Variants in PLEKHA6 observed in about 807,000 individuals in gnomAD.
PLEKHA6 encodes the protein pleckstrin homology domain-containing family A member 6.
In PLEKHA6, 60 loss-of-function variants were observed where a neutral mutation model predicts 116.7. That is an observed-to-expected ratio of 0.51 (90% CI 0.42 to 0.64). The LOEUF is 0.64. Among genes scored for constraint, PLEKHA6 ranks in the 30% least tolerant of loss-of-function variants. The probability of loss-of-function intolerance (pLI) is 0.00; values close to 1 mark genes in which losing one functional copy is unlikely to be tolerated. For synonymous variants in PLEKHA6, 489 were observed against 556.1 expected (o/e 0.88, Z 1.70); for missense variants, 1,338 against 1,422.7 (o/e 0.94, Z 0.96).
In PLEKHA6 at chr1:204,257,747, A is replaced by G. The variant is rs778563323; in HGVS notation, c.1130T>C (p.Met377Thr). 1.9e-6 allele frequency: 3 copies of G among 1,613,704 alleles called. No individual in the cohort carries two copies. Among genetic ancestry groups the G allele is most frequent in the East Asian group, 4.5e-5 (2 of 44,878 alleles). ...CGGGCTGATCCGATCATAGGCCGGCATGGAACAGATGCTCTCCGGCCGCAC... is the reference window on the plus strand; with the variant it reads ...CGGGCTGATCCGATCATAGGCCGGCGTGGAACAGATGCTCTCCGGCCGCAC... ...PGVRPESICSMPAYDRISPPW... is the reference protein window; with the variant it reads ...PGVRPESICSTPAYDRISPPW... Residue 377 changes from methionine (M) to threonine (T), a missense_variant, in exon 9 of 23, where the codon ATG becomes ACG. Around this residue, in one of 3 missense-constraint regions of PLEKHA6, gnomAD observed 1,136 missense variants for 1,163.6 expected, o/e 0.98. Coordinates refer to ENST00000272203, the MANE Select transcript of PLEKHA6 (RefSeq NM_014935.5). This position sits in a 1 kb window ranked among gnomAD's most constrained non-coding sequence, Gnocchi z 6.5.
intron 5 of PLEKHA6, among the ~76,000 whole-genome samples, chr1:204,265,962 G>C (rs1250343661): frequency 6.6e-6 from 1 of 152,174 alleles, no homozygotes; most frequent in Non-Finnish European, 1.5e-5. Flanking sequence ...GGGACAGTGG[G>C]GGGGACAATT....
At chr1:204,313,204 C>T (rs1028985212) in intron 1 of PLEKHA6, among the ~76,000 whole-genome samples, 1 of 151,956 alleles carries the variant, frequency 6.6e-6, no homozygotes, top group African/African-American at 2.4e-5. Flanking sequence ...CAAGTGGGAC[C>T]AACTGTGCCC....
intron 1 of PLEKHA6, among the ~76,000 whole-genome samples, chr1:204,377,129 C>T (rs192327301): frequency 2.6e-5 from 4 of 152,210 alleles, no homozygotes; most frequent in Middle Eastern, 3.4e-3. Flanking sequence ...GAGTCTGGGG[C>T]GAGGGTTGCC....
At chr1:204,253,268 C>T (rs1029839284) in intron 9 of PLEKHA6, among the ~76,000 whole-genome samples, 1 of 152,112 alleles carries the variant, frequency 6.6e-6, no homozygotes, top group African/African-American at 2.4e-5. Context: ...TCTACAATGC[C>T]CATTTTATGA....
rs185118069 is a variant in PLEKHA6, at chr1:204,220,216, C to G, written c.*2572G>C. On this transcript the variant is annotated 3_prime_UTR_variant, in exon 23 of 23. Coordinates refer to ENST00000272203, the MANE Select transcript of PLEKHA6 (RefSeq NM_014935.5). The stretch of plus-strand genomic sequence containing the variant: ...GAAGAGGGGTAGTCTAGCAGCCCAT[C>G]TGGGGTGCATGCCTGCATGGGTCTC... The G allele has an allele frequency of 3.3e-5, 5 of 152,426 alleles. No homozygotes were observed. Among genetic ancestry groups the G allele is most frequent in the Admixed American group, 2.0e-4 (3 of 15,308 alleles). The allele number at this position is 152,426 out of a possible 1,614,324, so 9.4% of individuals were successfully genotyped here.
At chr1:204,284,204 C>T (rs1668932335) in intron 1 of PLEKHA6, among the ~76,000 whole-genome samples, 1 of 152,160 alleles carries the variant, frequency 6.6e-6, no homozygotes, top group South Asian at 2.1e-4. Flanking sequence ...AAGCAGTAAA[C>T]CAGCCAGAGC....
intron 1 of PLEKHA6, among the ~76,000 whole-genome samples, chr1:204,355,441 G>C (rs900670886): frequency 6.6e-6 from 1 of 152,082 alleles, no homozygotes; most frequent in Non-Finnish European, 1.5e-5. Flanking sequence ...CGTTTTGTTT[G>C]TTTGTTTGTT....
chr1:204,245,847 TAC>T (rs58927549), intron 13 of PLEKHA6, 121 bp from the exon 14 acceptor site: 23,482 of 546,078 alleles, frequency 0.043, 177 homozygotes, highest in African/African-American at 0.091. Context: ...GCACCCTGTG[TAC>T]ACACACACAC....
chr1:204,328,401 T>G (rs1362427485), intron 1 of PLEKHA6, among the ~76,000 whole-genome samples: 1 of 141,186 alleles, frequency 7.1e-6, no homozygotes, highest in African/African-American at 2.6e-5. Flanking sequence ...TTTTCTTTCT[T>G]TTTTTTTTTT....
At chr1:204,279,581 T>C (rs1668385468) in intron 1 of PLEKHA6, among the ~76,000 whole-genome samples, 1 of 152,222 alleles carries the variant, frequency 6.6e-6, no homozygotes, top group African/African-American at 2.4e-5. Flanking sequence ...CAAATGGACC[T>C]TTCAAATTCC....
chr1:204,277,447 G>C lies in PLEKHA6; in HGVS notation c.-94-2638C>G, dbSNP rs1285126005. ...AGTCCGACCTCAGTGAGCTAAGGAC[G>C]CAGAGTAGCTGGACGGGTGAAGGAG... On this transcript the variant is annotated intron_variant, in intron 1 of 22. Coordinates refer to ENST00000272203, the MANE Select transcript of PLEKHA6 (RefSeq NM_014935.5). This position sits in a 1 kb window ranked among gnomAD's most constrained non-coding sequence, Gnocchi z 4.1. 6.6e-6 allele frequency among the ~76,000 whole-genome samples: 1 copy of C among 152,184 alleles called. No homozygotes were observed. The highest frequency in any genetic ancestry group is 2.4e-5 in the African/African-American group (1 of 41,450).
chr1:204,335,713 C>G (rs999002726), intron 1 of PLEKHA6, among the ~76,000 whole-genome samples: 1 of 152,022 alleles, frequency 6.6e-6, no homozygotes, highest in Non-Finnish European at 1.5e-5. Context: ...CATTCCCTCC[C>G]CTTTTCTGTC....
intron 3 of PLEKHA6, among the ~76,000 whole-genome samples, chr1:204,270,702 G>A (rs2102876571): frequency 6.6e-6 from 1 of 152,294 alleles, no homozygotes; most frequent in South Asian, 2.1e-4. Context: ...ATGAACTAAG[G>A]TTTTTTTCCA....
At chr1:204,230,062 A>G (rs566890021) in intron 18 of PLEKHA6, among the ~76,000 whole-genome samples, 2 of 152,270 alleles carry the variant, frequency 1.3e-5, no homozygotes, top group Non-Finnish European at 2.9e-5. Context: ...CAGCCAGCCC[A>G]GTGCTAGGCA....
At chr1:204,316,441 T>C (rs1482031244) in intron 1 of PLEKHA6, among the ~76,000 whole-genome samples, 2 of 152,202 alleles carry the variant, frequency 1.3e-5, no homozygotes, top group African/African-American at 4.8e-5. Flanking sequence ...ATGCTTTCAA[T>C]GGGTGAGTCC....
intron 1 of PLEKHA6, among the ~76,000 whole-genome samples, chr1:204,374,031 C>A (rs1040447293): frequency 3.3e-5 from 5 of 152,176 alleles, no homozygotes; most frequent in African/African-American, 1.2e-4. Flanking sequence ...CCTCCTTGCA[C>A]ACTGTCCGCC....
At chr1:204,375,845 A>C (rs1465304350) in intron 1 of PLEKHA6, among the ~76,000 whole-genome samples, 2 of 147,288 alleles carry the variant, frequency 1.4e-5, no homozygotes, top group African/African-American at 5.1e-5. Flanking sequence ...AACCTCTCCG[A>C]GTGCTCTAGG....
chr1:204,325,561 C>T (rs923695414), intron 1 of PLEKHA6, among the ~76,000 whole-genome samples: 3 of 152,190 alleles, frequency 2.0e-5, no homozygotes, highest in African/African-American at 7.2e-5. Flanking sequence ...CCCGAATGCC[C>T]AGCTGCCTGC....
At chr1:204,252,409 C>G (rs897857185) in intron 9 of PLEKHA6, among the ~76,000 whole-genome samples, 1 of 151,846 alleles carries the variant, frequency 6.6e-6, no homozygotes, top group African/African-American at 2.4e-5. Flanking sequence ...ACCAGAAATG[C>G]CATCATTTCC....
Sources: allele counts gnomAD v4.1 joint callset (sites outside exome capture counted in the v4.1 genomes callset), GRCh38; gene constraint gnomAD v4.1.1; regional missense constraint gnomAD v4.1.1; non-coding constraint Gnocchi (gnomAD v3.1); transcripts MANE v1.5; gene names NCBI Gene and HGNC (gene_info 2026-07-23, HGNC 2026-07-21).